The following CCDC192 variants were observed in gnomAD, a reference collection of about 807,000 sequenced individuals.
CCDC192 encodes the protein coiled-coil domain-containing protein 192.
At chr5:127,723,400 G>A (rs1037015269) in intron 2 of CCDC192, among the ~76,000 whole-genome samples, 3 of 152,058 alleles carry the variant, frequency 2.0e-5, no homozygotes, top group Non-Finnish European at 4.4e-5. Context: ...CATATTATCT[G>A]CAAACAAGGA....
chr5:127,707,075 G>A (rs1227194142), intron 1 of CCDC192, among the ~76,000 whole-genome samples: 2 of 152,172 alleles, frequency 1.3e-5, no homozygotes, highest in African/African-American at 4.8e-5. Context: ...TGGTGAATTG[G>A]ACAAGTGCAG....
chr5:127,761,607 C>T (rs1474907667), intron 3 of CCDC192, among the ~76,000 whole-genome samples: 2 of 152,060 alleles, frequency 1.3e-5, no homozygotes, highest in African/African-American at 2.4e-5. Flanking sequence ...AACAATAAAA[C>T]CTAAGGCCAA....
chr5:127,795,936 T>A, intron 3 of CCDC192, among the ~76,000 whole-genome samples: 1 of 152,066 alleles, frequency 6.6e-6, no homozygotes, highest in East Asian at 1.9e-4. Context: ...GCACCGCAGG[T>A]CTCCAAGGCC....
At position 127,728,927 on chromosome 5, in the gene CCDC192, G is replaced by T. The variant is rs766548262; in HGVS notation, c.114+21167G>T. On this transcript the variant is annotated intron_variant, in intron 2 of 6. Transcript: ENST00000514853. ...TTCTTTTTTTCTTTTTTTTTCTGGA[G>T]ACAGAGTCTGGCTCTGTCACCCAGG... 9.7e-4 allele frequency among the ~76,000 whole-genome samples: 147 copies of T among 151,574 alleles called. 3 individuals are homozygous for T. The highest frequency in any genetic ancestry group is 5.3e-4 in the Admixed American group (8 of 15,212).
intron 5 of CCDC192, among the ~76,000 whole-genome samples, chr5:127,841,698 G>T (rs1327517991): frequency 2.0e-5 from 3 of 152,120 alleles, no homozygotes; most frequent in African/African-American, 7.2e-5. Context: ...TGACTACACT[G>T]TCTTAGAACA....
intron 5 of CCDC192, among the ~76,000 whole-genome samples, chr5:127,813,563 A>G (rs1314685454): frequency 6.6e-6 from 1 of 152,214 alleles, no homozygotes; most frequent in Non-Finnish European, 1.5e-5. Flanking sequence ...GAGGGCTGAC[A>G]TAAATCCCAC....
intron 5 of CCDC192, among the ~76,000 whole-genome samples, chr5:127,867,458 T>C (rs1561530960): frequency 6.6e-6 from 1 of 152,244 alleles, no homozygotes; most frequent in African/African-American, 2.4e-5. Context: ...GTTTCTGTGC[T>C]CTTCTACCCA....
At chr5:127,901,308 C>A (rs1342164526) in intron 6 of CCDC192, among the ~76,000 whole-genome samples, 7 of 152,056 alleles carry the variant, frequency 4.6e-5, no homozygotes, top group African/African-American at 1.7e-4. Flanking sequence ...TAATAATCAT[C>A]AATGATTTGC....
chr5:127,810,070 G>A (rs1757995845), intron 5 of CCDC192, among the ~76,000 whole-genome samples: 1 of 152,196 alleles, frequency 6.6e-6, no homozygotes, highest in Admixed American at 6.5e-5. Flanking sequence ...ATAAGTGAAG[G>A]AGAATTAGGT....
chr5:127,817,203 T>A (rs1047113807), intron 5 of CCDC192, among the ~76,000 whole-genome samples: 2 of 152,178 alleles, frequency 1.3e-5, no homozygotes, highest in Non-Finnish European at 2.9e-5. Context: ...AAAGTGATTC[T>A]CAAATTTAGT....
At chr5:127,819,640 G>GT (rs1749192504) in intron 5 of CCDC192, among the ~76,000 whole-genome samples, 1 of 152,086 alleles carries the variant, frequency 6.6e-6, no homozygotes, top group South Asian at 2.1e-4. Context: ...TCTGATGGTT[G>GT]TTTCTTTTTA....
chr5:127,858,891 AATC>A (rs1751227891), intron 5 of CCDC192, among the ~76,000 whole-genome samples: 2 of 152,168 alleles, frequency 1.3e-5, no homozygotes, highest in South Asian at 2.1e-4. Flanking sequence ...AGTCACATTA[AATC>A]ATCATCAAGG....
chr5:127,723,825 T>G (rs1352651746), intron 2 of CCDC192, among the ~76,000 whole-genome samples: 2 of 152,226 alleles, frequency 1.3e-5, no homozygotes, highest in Non-Finnish European at 2.9e-5. Flanking sequence ...TAACTTATTT[T>G]GATAGTTTTG....
chr5:127,798,218 A>G lies in CCDC192; in HGVS notation c.411+56A>G, dbSNP rs148469682. On this transcript the variant is annotated intron_variant, in intron 5 of 6. Coordinates refer to ENST00000514853, the MANE Select transcript of CCDC192 (RefSeq NM_001317938.2). Reference sequence around the variant, plus strand: ...TATTTATGTCATTGTTAGCTTGGAAATGAACAGAACATGGAAAGAAGTTAT... The same window carrying G: ...TATTTATGTCATTGTTAGCTTGGAAGTGAACAGAACATGGAAAGAAGTTAT... The G allele has an allele frequency of 5.8e-5, 23 of 397,626 alleles. No homozygotes were observed. The East Asian group carries it at 8.2e-4, about 14-fold the overall frequency. 24.6% of individuals were successfully genotyped at this position (397,626 alleles called of 1,614,324 possible).
At chr5:127,902,087 A>G (rs1463533423) in intron 6 of CCDC192, among the ~76,000 whole-genome samples, 2 of 152,148 alleles carry the variant, frequency 1.3e-5, no homozygotes, top group Non-Finnish European at 2.9e-5. Context: ...CCTGGCCAAC[A>G]TGGTGAAACC....
At chr5:127,839,752 G>T (rs1461058565) in intron 5 of CCDC192, among the ~76,000 whole-genome samples, 1 of 151,470 alleles carries the variant, frequency 6.6e-6, no homozygotes, top group Non-Finnish European at 1.5e-5. Context: ...GATTGAATAG[G>T]GATACTGTAT....
intron 3 of CCDC192, among the ~76,000 whole-genome samples, chr5:127,762,735 A>G (rs1755000597): frequency 6.6e-6 from 1 of 152,196 alleles, no homozygotes; most frequent in Non-Finnish European, 1.5e-5. Context: ...TCATGCCTTA[A>G]GAGTCATGGC....
At chr5:127,743,862 G>A (rs1482104291) in intron 2 of CCDC192, among the ~76,000 whole-genome samples, 1 of 152,058 alleles carries the variant, frequency 6.6e-6, no homozygotes, top group African/African-American at 2.4e-5. Context: ...AAGCCGAGGC[G>A]GGTGGATCAC....
At chr5:127,805,582 C>T (rs1757737649) in intron 5 of CCDC192, among the ~76,000 whole-genome samples, 1 of 152,136 alleles carries the variant, frequency 6.6e-6, no homozygotes, top group African/African-American at 2.4e-5. Flanking sequence ...CTACCTGTGC[C>T]AATGAGGAAT....
Sources: gnomAD v4.1 joint callset for allele counts (sites outside exome capture counted in the v4.1 genomes callset) on GRCh38, gnomAD v4.1.1 for gene constraint, MANE v1.5 for transcripts, NCBI Gene and HGNC (gene_info 2026-07-23, HGNC 2026-07-21) for gene names.